The following WARS2 variants were observed in gnomAD, a reference collection of about 807,000 sequenced individuals.
WARS2 encodes the protein tryptophan--tRNA ligase, mitochondrial.
WARS2 carries 28 observed loss-of-function variants against 36.5 expected under a neutral mutation model. That is an observed-to-expected ratio of 0.77 (90% CI 0.57 to 1.05). The LOEUF is 1.05. WARS2 is among the 50% of genes least tolerant of loss of function. The probability of loss-of-function intolerance (pLI) is 0.00; values close to 1 mark genes in which losing one functional copy is unlikely to be tolerated. For synonymous variants in WARS2, 174 were observed against 178.4 expected (o/e 0.98, Z 0.20); for missense variants, 435 against 456.8 (o/e 0.95, Z 0.44).
At chr1:119,131,525 C>T (rs1437480861) in intron 1 of WARS2, among the ~76,000 whole-genome samples, 2 of 147,544 alleles carry the variant, frequency 1.4e-5, no homozygotes, top group East Asian at 2.0e-4. Flanking sequence ...TGCAGTGGCG[C>T]GATCTCGGCT....
chr1:119,062,539 G>A (rs2101222555), intron 2 of WARS2, among the ~76,000 whole-genome samples: 2 of 152,106 alleles, frequency 1.3e-5, no homozygotes, highest in East Asian at 3.9e-4. Flanking sequence ...TACAAAAGTT[G>A]TATGATTGAT....
At chr1:119,060,277 T>A (rs1650267210) in intron 2 of WARS2, among the ~76,000 whole-genome samples, 1 of 152,166 alleles carries the variant, frequency 6.6e-6, no homozygotes, top group African/African-American at 2.4e-5. Context: ...AAGTCTGAGA[T>A]GAAGGGGCCT....
chr1:119,087,377 G>A (rs958394982), intron 1 of WARS2, among the ~76,000 whole-genome samples: 2 of 152,098 alleles, frequency 1.3e-5, no homozygotes, highest in African/African-American at 2.4e-5. Context: ...AAGAAAATAA[G>A]TCATATGTTT....
chr1:119,037,695 A>T (rs1020030111), intron 4 of WARS2, among the ~76,000 whole-genome samples: 2 of 152,244 alleles, frequency 1.3e-5, no homozygotes, highest in African/African-American at 4.8e-5. Context: ...GAAGCTTTAA[A>T]TTCTTCTGGC....
At chr1:119,102,545 T>C (rs1653951210) in intron 1 of WARS2, among the ~76,000 whole-genome samples, 1 of 152,198 alleles carries the variant, frequency 6.6e-6, no homozygotes, top group African/African-American at 2.4e-5. Context: ...AGGTTTTATG[T>C]TTTTTCCATC....
chr1:119,117,258 T>C (rs971400537), intron 1 of WARS2, among the ~76,000 whole-genome samples: 1 of 152,054 alleles, frequency 6.6e-6, no homozygotes, highest in African/African-American at 2.4e-5. Flanking sequence ...CCATCCCCCA[T>C]AGTGGCTGCA....
chr1:119,045,635 T>C lies in WARS2; in HGVS notation c.376A>G (p.Ile126Val), dbSNP rs1648731878. The C allele has an allele frequency of 1.3e-6, 2 of 1,592,876 alleles. No homozygotes were observed. Among genetic ancestry groups the C allele is most frequent in the Non-Finnish European group, 1.7e-6 (2 of 1,166,534 alleles). ...GGTAGTCTGACCATGCAGGAAAGGA[T>C]CCAACTTAATTGTGTGTGTTCAGAC... ...QVSEHTQLSW[I>V]LSCMVRLPRL... is the part of the protein sequence containing the mutation. Residue 126 changes from isoleucine to valine, a missense_variant, in exon 3 of 6, where the codon ATC becomes GTC. Ile to Val is a conservative substitution (Grantham distance 29). Transcript: ENST00000235521.
chr1:119,056,300 G>A (rs1408531171), intron 2 of WARS2, among the ~76,000 whole-genome samples: 1 of 147,870 alleles, frequency 6.8e-6, no homozygotes, highest in Non-Finnish European at 1.5e-5. Flanking sequence ...GCCTCCCAAA[G>A]TGCTGGGATT....
intron 1 of WARS2, among the ~76,000 whole-genome samples, chr1:119,131,946 A>G (rs1414028666): frequency 6.6e-6 from 1 of 152,056 alleles, no homozygotes; most frequent in Non-Finnish European, 1.5e-5. Context: ...AATCCTACTA[A>G]GAGTGATAAG....
chr1:119,074,172 G>A (rs773445978), intron 2 of WARS2, among the ~76,000 whole-genome samples: 3 of 152,206 alleles, frequency 2.0e-5, no homozygotes, highest in Non-Finnish European at 2.9e-5. Flanking sequence ...ATGATGAACA[G>A]CTCTCCAACA....
At position 119,032,738 on chromosome 1, in the gene WARS2, G is replaced by C. The variant is rs1647532551; in HGVS notation, c.*173C>G. The C allele has an allele frequency of 1.5e-6, 1 of 648,776 alleles. No homozygotes were observed. The highest frequency in any genetic ancestry group is 3.2e-5 in the Admixed American group (1 of 31,312). The allele number at this position is 648,776 out of a possible 1,614,324, so 40.2% of individuals were successfully genotyped here. On this transcript the variant is annotated 3_prime_UTR_variant, in exon 6 of 6. Coordinates refer to ENST00000235521, the MANE Select transcript of WARS2 (RefSeq NM_015836.4). Reference sequence around the variant, plus strand: ...CACAGCATTTTGTTGATGGGATTTGGAACACTGTCGTATTTCAAAGCTACA... The same window carrying C: ...CACAGCATTTTGTTGATGGGATTTGCAACACTGTCGTATTTCAAAGCTACA...
chr1:119,104,765 CA>C lies in WARS2; in HGVS notation c.91-28159del, dbSNP rs35255724. Among the ~76,000 whole-genome samples, 478 of 119,286 alleles carry C rather than the reference CA, an allele frequency of 4.0e-3. 1 individual carries two copies. The highest frequency in any genetic ancestry group is 9.9e-3 in the African/African-American group (292 of 29,358). The allele number at this position is 119,286 out of a possible 152,430, so 78.3% of individuals were successfully genotyped here. A position where few individuals can be genotyped will look rare whatever the true frequency, so the allele number is the denominator to read the frequency against. Reference sequence around the variant, plus strand: ...GAGATAATAAATTGTAAGAAGAGGCCAAAAAAAAAAAAAACCAGCAAGAACA... The same window carrying C: ...GAGATAATAAATTGTAAGAAGAGGCCAAAAAAAAAAAAACCAGCAAGAACA... On this transcript the variant is annotated intron_variant, in intron 1 of 5. Coordinates refer to ENST00000235521, the MANE Select transcript of WARS2 (RefSeq NM_015836.4).
At chr1:119,042,055 C>T (rs72705385) in intron 4 of WARS2, among the ~76,000 whole-genome samples, 4 of 152,156 alleles carry the variant, frequency 2.6e-5, no homozygotes, top group Admixed American at 2.6e-4. Flanking sequence ...TAGTTTCTCA[C>T]AGAAACATAC....
rs12026409 is a variant in WARS2 at position 119,031,914 on chromosome 1, G to C, written c.*997C>G. On this transcript the variant is annotated 3_prime_UTR_variant, in exon 6 of 6. Transcript: ENST00000235521. ...TTCTGTGAATCCAGATTTTAAGTTC[G>C]CATCCATTGGCTGAATTGATGATAT... 1.3e-5 allele frequency: 2 copies of C among 152,492 alleles called. No individual in the cohort carries two copies. Among genetic ancestry groups the C allele is most frequent in the Non-Finnish European group, 2.9e-5 (2 of 68,366 alleles). The allele number at this position is 152,492 out of a possible 1,614,324, so 9.4% of individuals were successfully genotyped here. A position where few individuals can be genotyped will look rare whatever the true frequency, so the allele number is the denominator to read the frequency against.
At chr1:119,085,800 A>G (rs1346137272) in intron 1 of WARS2, 1 of 1,608,102 alleles carries the variant, frequency 6.2e-7, no homozygotes, top group Non-Finnish European at 8.5e-7. Flanking sequence ...CACACAGATG[A>G]TGTCCCCTTC....
chr1:119,126,283 AAT>A (rs1483918916), intron 1 of WARS2, among the ~76,000 whole-genome samples: 15 of 151,928 alleles, frequency 9.9e-5, no homozygotes, highest in African/African-American at 2.7e-4. Context: ...AAAAAAAAAA[AAT>A]CTCAAAATAA....
chr1:119,132,905 G>C (rs891108145), intron 1 of WARS2, among the ~76,000 whole-genome samples: 7 of 152,026 alleles, frequency 4.6e-5, no homozygotes, highest in African/African-American at 1.7e-4. Flanking sequence ...ATTCTTCCTT[G>C]TCCCTTGCAG....
At position 119,033,095 on chromosome 1, in the gene WARS2, G is replaced by A. The variant is rs370628159; in HGVS notation, c.899C>T (p.Ala300Val). 25 of 1,614,122 alleles carry A rather than the reference G, an allele frequency of 1.5e-5. No individual in the cohort carries two copies. The African/African-American group carries it at 3.2e-4, about 21-fold the overall frequency. ...VVRRSAGMNTARYKLAVADAV... is the reference protein window; with the variant it reads ...VVRRSAGMNTVRYKLAVADAV... ...ATCTGCCACGGCCAGCTTGTAGCGA[G>A]CAGTGTTCATGCCCGCGCTGCGGCG... The change falls in exon 6 of 6, where the codon GCT becomes GTT. Residue 300 changes from alanine to valine, a missense_variant. Transcript: ENST00000235521.
chr1:119,056,548 T>C (rs1371056130), intron 2 of WARS2, among the ~76,000 whole-genome samples: 2 of 143,416 alleles, frequency 1.4e-5, no homozygotes, highest in Admixed American at 7.0e-5. Flanking sequence ...TATATATATA[T>C]ACTAAATATA....
Sources: allele counts gnomAD v4.1 joint callset (sites outside exome capture counted in the v4.1 genomes callset), GRCh38; gene constraint gnomAD v4.1.1; transcripts MANE v1.5; gene names NCBI Gene and HGNC (gene_info 2026-07-23, HGNC 2026-07-21).